The following WDPCP variants were observed in gnomAD, a reference collection of about 807,000 sequenced individuals.
WDPCP encodes the protein WD repeat-containing and planar cell polarity effector protein fritz homolog.
WDPCP carries 71 observed loss-of-function variants against 93.1 expected under a neutral mutation model. The observed-to-expected ratio is 0.76, with a 90% CI of 0.63 to 0.93. The LOEUF (loss-of-function observed/expected upper bound fraction) is 0.93, where lower values mean the gene tolerates loss of function less well. Ranked by LOEUF, WDPCP falls within the 40% of genes least tolerant of loss-of-function variation. The pLI is 0.00. For missense variants in WDPCP, 844 were observed against 887.4 expected (o/e 0.95, Z 0.62); for synonymous variants, 315 against 315.0 (o/e 1.00, Z 0.00).
intron 2 of WDPCP, among the ~76,000 whole-genome samples, chr2:63,657,433 T>A (rs1446910876): frequency 6.6e-6 from 1 of 151,988 alleles, no homozygotes; most frequent in African/African-American, 2.4e-5. Context: ...GTCTCGATCT[T>A]CTGACCTCGT....
At chr2:63,158,891 C>G (rs564551084) in intron 15 of WDPCP, among the ~76,000 whole-genome samples, 1 of 147,180 alleles carries the variant, frequency 6.8e-6, no homozygotes, top group Admixed American at 7.0e-5. Flanking sequence ...AATGCCAGCA[C>G]TCTGGCAGGC....
At position 63,758,461 on chromosome 2, in the gene WDPCP, C is replaced by T. The variant is rs185829089; in HGVS notation, n.308+55161G>A. On this transcript the variant is annotated intron_variant and non_coding_transcript_variant, in intron 2 of 4. Coordinates refer to the WDPCP transcript ENST00000467687. ...TTTGTTTTGTTTTTGCTTTTTGGGA[C>T]AGCACCTGGCTCTGTCACTCAGGCT... 3.9e-5 allele frequency among the ~76,000 whole-genome samples: 6 copies of T among 152,210 alleles called. No individual in the cohort carries two copies. In the East Asian group the frequency reaches 9.6e-4, roughly 24 times the overall value.
chr2:63,812,321 G>A (rs1209812391), intron 2 of WDPCP, among the ~76,000 whole-genome samples: 2 of 152,110 alleles, frequency 1.3e-5, no homozygotes, highest in African/African-American at 2.4e-5. Flanking sequence ...CCATTGCTGG[G>A]CACCTAGATT....
intron 14 of WDPCP, among the ~76,000 whole-genome samples, chr2:63,239,108 T>C (rs150790565): frequency 6.6e-6 from 1 of 152,310 alleles, no homozygotes; most frequent in East Asian, 1.9e-4. Context: ...GATATGTGTG[T>C]GTATATATGG....
chr2:63,833,649 G>A, the WDPCP span, among the ~76,000 whole-genome samples: 1 of 152,092 alleles, frequency 6.6e-6, no homozygotes, highest in African/African-American at 2.4e-5. Flanking sequence ...ATAATGTTGA[G>A]GAATTTTGCT....
intron 2 of WDPCP, among the ~76,000 whole-genome samples, chr2:63,488,937 C>G (rs1700719772): frequency 6.6e-6 from 1 of 151,902 alleles, no homozygotes; most frequent in East Asian, 1.9e-4. Flanking sequence ...AAAACCTGCC[C>G]TACAGTGGGT....
chr2:63,359,542 GTT>G (rs1369667697), intron 12 of WDPCP, among the ~76,000 whole-genome samples: 1 of 152,170 alleles, frequency 6.6e-6, no homozygotes, highest in East Asian at 1.9e-4. Flanking sequence ...CTCACACATT[GTT>G]GGTGGGAATG....
chr2:63,812,060 T>C (rs1670870731), intron 2 of WDPCP, among the ~76,000 whole-genome samples: 2 of 152,016 alleles, frequency 1.3e-5, no homozygotes, highest in Admixed American at 1.3e-4. Flanking sequence ...AGACGGGGTT[T>C]TGTCATGTTG....
At position 63,257,134 on chromosome 2, in the gene WDPCP, C is replaced by T. The variant is rs567929245; in HGVS notation, c.1915+2173G>A. On this transcript the variant is annotated intron_variant, in intron 14 of 17. Transcript: ENST00000272321. Reference sequence around the variant, plus strand: ...TATCATCATCCAGCTTTTCCTTTGGCGCCTCTTGCTTTTAACTATGGTGGC... The same window carrying T: ...TATCATCATCCAGCTTTTCCTTTGGTGCCTCTTGCTTTTAACTATGGTGGC... Among the ~76,000 whole-genome samples the T allele has an allele frequency of 3.7e-4, 57 of 152,236 alleles. No homozygotes were observed. The South Asian group carries it at 9.3e-3, about 25-fold the overall frequency.
At chr2:63,379,796 CAGA>C (rs1238766279) in intron 11 of WDPCP, among the ~76,000 whole-genome samples, 8 of 152,092 alleles carry the variant, frequency 5.3e-5, no homozygotes, top group Non-Finnish European at 1.2e-4. Flanking sequence ...TTGTTAGATT[CAGA>C]TAGAATAAGT....
intron 2 of WDPCP, among the ~76,000 whole-genome samples, chr2:63,759,057 A>T (rs2103908065): frequency 6.6e-6 from 1 of 152,092 alleles, no homozygotes; most frequent in South Asian, 2.1e-4. Flanking sequence ...CTGGGATTAC[A>T]GTCGTGAGGC....
intron 14 of WDPCP, among the ~76,000 whole-genome samples, chr2:63,257,432 C>A (rs900333503): frequency 6.6e-6 from 1 of 152,074 alleles, no homozygotes. Context: ...TTGTTAATTC[C>A]ATTCGGAATT....
upstream of WDPCP, among the ~76,000 whole-genome samples, chr2:63,832,680 T>C (rs1165631176): frequency 6.6e-6 from 1 of 152,214 alleles, no homozygotes; most frequent in Non-Finnish European, 1.5e-5. Flanking sequence ...CTACAGTTTT[T>C]AAATTCATTC....
intron 15 of WDPCP, among the ~76,000 whole-genome samples, chr2:63,156,464 G>A (rs1473290880): frequency 3.3e-5 from 5 of 152,102 alleles, no homozygotes; most frequent in East Asian, 1.9e-4. Context: ...GGCCGGGAGC[G>A]GTGGCTCATG....
intron 1 of WDPCP, among the ~76,000 whole-genome samples, chr2:63,528,679 G>C (rs1051241795): frequency 2.0e-5 from 3 of 152,182 alleles, no homozygotes; most frequent in African/African-American, 7.2e-5. Flanking sequence ...TTTGGCTTAG[G>C]ATTGACGTGG....
chr2:63,538,403 G>C (rs939660718), intron 1 of WDPCP, among the ~76,000 whole-genome samples: 5 of 152,128 alleles, frequency 3.3e-5, no homozygotes, highest in Non-Finnish European at 7.4e-5. Flanking sequence ...GAATTAGAAT[G>C]CTGAAATCTA....
At chr2:63,412,331 C>G (rs190893568) in intron 9 of WDPCP, among the ~76,000 whole-genome samples, 4 of 152,222 alleles carry the variant, frequency 2.6e-5, no homozygotes, top group East Asian at 1.9e-4. Context: ...ATCCAGCACC[C>G]CTTTATGATT....
At chr2:63,324,017 T>C (rs887878270) in intron 12 of WDPCP, among the ~76,000 whole-genome samples, 5 of 152,026 alleles carry the variant, frequency 3.3e-5, no homozygotes, top group African/African-American at 9.7e-5. Flanking sequence ...TCCTAAGCCA[T>C]TGGGACCAAT....
chr2:63,479,249 C>A (rs1700135018), intron 6 of WDPCP, among the ~76,000 whole-genome samples: 1 of 152,078 alleles, frequency 6.6e-6, no homozygotes, highest in African/African-American at 2.4e-5. Flanking sequence ...CAGCTGAATT[C>A]TATCAGATAT....
Sources: gnomAD v4.1 joint callset for allele counts (sites outside exome capture counted in the v4.1 genomes callset) on GRCh38, gnomAD v4.1.1 for gene constraint, MANE v1.5 for transcripts, NCBI Gene and HGNC (gene_info 2026-07-23, HGNC 2026-07-21) for gene names.